SSBP3: variants seen among roughly 807,000 people sequenced by gnomAD.
The protein encoded by SSBP3 is single stranded DNA binding protein 3.
Under a neutral mutation model 69.6 loss-of-function variants are expected in SSBP3, and 5 were observed. The ratio of observed to expected loss-of-function variants is 0.07; its 90% confidence interval spans 0.04 to 0.15. The LOEUF (loss-of-function observed/expected upper bound fraction) is 0.15, where lower values mean the gene tolerates loss of function less well. SSBP3 is among the 10% of genes least tolerant of loss of function. The pLI, the probability that SSBP3 is intolerant of heterozygous loss-of-function variation, is 1.00. For synonymous variants in SSBP3, 196 were observed against 193.4 expected (o/e 1.01, Z -0.11); for missense variants, 312 against 534.0 (o/e 0.58, Z 4.10).
At chr1:54,387,073 G>A (rs145857139) in intron 4 of SSBP3, among the ~76,000 whole-genome samples, 1 of 152,206 alleles carries the variant, frequency 6.6e-6, no homozygotes, top group Non-Finnish European at 1.5e-5. Flanking sequence ...CGTTCCATCC[G>A]TCTGTCTTCC....
chr1:54,348,256 G>T (rs997041401), intron 4 of SSBP3, among the ~76,000 whole-genome samples: 2 of 124,078 alleles, frequency 1.6e-5, no homozygotes, highest in Admixed American at 1.6e-4. Context: ...GCGGGGGGGG[G>T]GGGGCGGGTG....
intron 4 of SSBP3, among the ~76,000 whole-genome samples, chr1:54,373,247 C>T (rs1234123743): frequency 2.0e-5 from 3 of 152,202 alleles, no homozygotes; most frequent in Non-Finnish European, 4.4e-5. Context: ...CAGCCCACCA[C>T]TGACGGCTGA....
chr1:54,294,425 G>C (rs1219645036), intron 4 of SSBP3, among the ~76,000 whole-genome samples: 2 of 64,796 alleles, frequency 3.1e-5, no homozygotes, highest in African/African-American at 1.3e-4. Flanking sequence ...CAGATCCATT[G>C]GTCATTAAAA....
At chr1:54,242,260 C>T in intron 10 of SSBP3, 48 bp from the exon 11 acceptor site, 5 of 1,609,758 alleles carry the variant, frequency 3.1e-6, no homozygotes, top group Non-Finnish European at 4.2e-6. Flanking sequence ...GCGCTGTAAA[C>T]TCCAAGCGGT....
At chr1:54,293,106 G>A (rs956987865) in intron 4 of SSBP3, among the ~76,000 whole-genome samples, 39 of 152,254 alleles carry the variant, frequency 2.6e-4, no homozygotes, top group Admixed American at 2.6e-3. Context: ...GCTAAAGTCT[G>A]GTGGGAGCCA....
chr1:54,378,661 G>A (rs528730038), intron 4 of SSBP3, among the ~76,000 whole-genome samples: 47 of 152,324 alleles, frequency 3.1e-4, no homozygotes, highest in African/African-American at 9.4e-4. Flanking sequence ...CCAAGGCGCT[G>A]ACAGCCAGGC....
At chr1:54,252,430 G>A (rs1252866702) in intron 7 of SSBP3, among the ~76,000 whole-genome samples, 1 of 152,230 alleles carries the variant, frequency 6.6e-6, no homozygotes, top group Non-Finnish European at 1.5e-5. Flanking sequence ...AGGCCTGCGG[G>A]CTCCCAGTCA....
chr1:54,367,216 G>A (rs979024980), intron 4 of SSBP3, among the ~76,000 whole-genome samples: 8 of 152,218 alleles, frequency 5.3e-5, no homozygotes, highest in South Asian at 4.1e-4. Flanking sequence ...AGATAGGTGC[G>A]GGGGAGAATG....
At chr1:54,256,939 A>T (rs908458837) in intron 7 of SSBP3, among the ~76,000 whole-genome samples, 188 bp downstream of exon 7, 1 of 152,150 alleles carries the variant, frequency 6.6e-6, no homozygotes, top group African/African-American at 2.4e-5. Context: ...GAGGCAGGTG[A>T]ACTGCCGCAC....
upstream of SSBP3, among the ~76,000 whole-genome samples, chr1:54,407,932 T>TA (rs1416078805): frequency 6.6e-6 from 1 of 152,026 alleles, no homozygotes; most frequent in Non-Finnish European, 1.5e-5. Context: ...TCCCTACCAT[T>TA]AAAGTTTGCT....
At chr1:54,316,566 G>A (rs1457386893) in intron 4 of SSBP3, among the ~76,000 whole-genome samples, 5 of 146,330 alleles carry the variant, frequency 3.4e-5, no homozygotes, top group African/African-American at 7.7e-5. Flanking sequence ...GCGTGAACCC[G>A]GGAAGCGGAG....
At chr1:54,345,076 C>T (rs1057169274) in intron 4 of SSBP3, among the ~76,000 whole-genome samples, 1 of 152,116 alleles carries the variant, frequency 6.6e-6, no homozygotes, top group Admixed American at 6.5e-5. Flanking sequence ...GTCATCTGTG[C>T]GGAAATTCTC....
intron 4 of SSBP3, among the ~76,000 whole-genome samples, chr1:54,353,715 A>T (rs1646819965): frequency 6.6e-6 from 1 of 152,204 alleles, no homozygotes; most frequent in Non-Finnish European, 1.5e-5. Flanking sequence ...AGCCCAGGGC[A>T]AGGGGAGTGG....
chr1:54,332,589 T>C (rs1469608892), intron 4 of SSBP3, among the ~76,000 whole-genome samples: 2 of 152,184 alleles, frequency 1.3e-5, no homozygotes, highest in Non-Finnish European at 2.9e-5. Context: ...GCTAGCTATG[T>C]GGCCTCTAAG....
intron 4 of SSBP3, among the ~76,000 whole-genome samples, chr1:54,314,491 A>G: frequency 6.6e-6 from 1 of 152,200 alleles, no homozygotes; most frequent in East Asian, 1.9e-4. Context: ...TTTCACCAAC[A>G]TTGGTGGGGA....
At chr1:54,376,607 G>A (rs1647246336) in intron 4 of SSBP3, among the ~76,000 whole-genome samples, 1 of 152,178 alleles carries the variant, frequency 6.6e-6, no homozygotes. Context: ...TCTCAGCCAG[G>A]TGACAACTTC....
chr1:54,343,805 C>A (rs1261893707), intron 4 of SSBP3, among the ~76,000 whole-genome samples: 2 of 152,210 alleles, frequency 1.3e-5, no homozygotes, highest in Non-Finnish European at 2.9e-5. Flanking sequence ...TACACCCCAC[C>A]CCGTCTACCC....
rs1282500765 is a variant in SSBP3, at chr1:54,401,962, A to T, written c.192-17T>A. The T allele has an allele frequency of 6.2e-6, 10 of 1,608,464 alleles. No individual in the cohort carries two copies. The highest frequency in any genetic ancestry group is 7.7e-6 in the Non-Finnish European group (9 of 1,175,266). ...CAAAATACACTGCGAGGAGGAAAAT[A>T]AAATAAGGTCAGGTTACTAATTATT... On this transcript the variant is annotated splice_polypyrimidine_tract_variant and intron_variant, in intron 3 of 17. Transcript: ENST00000610401.
chr1:54,316,483 C>CA (rs1305833931), intron 4 of SSBP3, among the ~76,000 whole-genome samples: 11 of 141,264 alleles, frequency 7.8e-5, no homozygotes, highest in Non-Finnish European at 1.4e-4. Context: ...ACTAAAAATA[C>CA]AAAAAAAATT....
Sources: allele counts gnomAD v4.1 joint callset (sites outside exome capture counted in the v4.1 genomes callset), GRCh38; gene constraint gnomAD v4.1.1; transcripts MANE v1.5; gene names NCBI Gene and HGNC (gene_info 2026-07-23, HGNC 2026-07-21).